The following TMCO2 variants were observed in gnomAD, a reference collection of about 807,000 sequenced individuals.
TMCO2 encodes the protein transmembrane and coiled-coil domain-containing protein 2.
Under a neutral mutation model 18.0 loss-of-function variants are expected in TMCO2, and 15 were observed. The ratio of observed to expected loss-of-function variants is 0.84; its 90% confidence interval spans 0.56 to 1.29. The LOEUF is 1.29. Among genes scored for constraint, TMCO2 ranks in the 50% most tolerant of loss-of-function variants. The pLI, the probability that TMCO2 is intolerant of heterozygous loss-of-function variation, is 0.00. For missense variants in TMCO2, 182 were observed against 200.9 expected (o/e 0.91, Z 0.57); for synonymous variants, 79 against 75.9 (o/e 1.04, Z -0.21).
rs1238320199 is a variant in TMCO2 at position 40,251,361 on chromosome 1, C to A, written c.316C>A (p.Pro106Thr). 3 of 1,613,970 alleles carry A rather than the reference C, an allele frequency of 1.9e-6. No homozygotes were observed. The highest frequency in any genetic ancestry group is 1.1e-5 in the South Asian group (1 of 91,026). Reference protein sequence around the residue: ...SHIFEALLANPEGSGLRIQDN... With the variant: ...SHIFEALLANTEGSGLRIQDN... Reference sequence around the variant, plus strand: ...TATTTTTGAGGCTTTGCTAGCCAACCCAGAAGGAAGTGGTCTCCGAATTCA... The same window carrying A: ...TATTTTTGAGGCTTTGCTAGCCAACACAGAAGGAAGTGGTCTCCGAATTCA... The change falls in exon 2 of 2, where the codon CCA (proline) becomes ACA (threonine). Residue 106 changes from proline to threonine, a missense_variant. Transcript: ENST00000372766.
Position 40,251,642 on chromosome 1 carries a change from G to T in TMCO2, c.*48G>T, listed in dbSNP as rs201190903. On this transcript the variant is annotated 3_prime_UTR_variant, in exon 2 of 2. Coordinates refer to ENST00000372766, the MANE Select transcript of TMCO2 (RefSeq NM_001008740.4). Reference sequence around the variant, plus strand: ...TCCAGGAAAGCACTGTTTCCCTCATGTGTGCAGTGGTGTATCAATAAAGAT... The same window carrying T: ...TCCAGGAAAGCACTGTTTCCCTCATTTGTGCAGTGGTGTATCAATAAAGAT... 1 of 1,547,328 alleles carries T rather than the reference G, an allele frequency of 6.5e-7. No individual in the cohort carries two copies.
rs371352482 is a variant in TMCO2 at position 40,248,034 on chromosome 1, A to C, written c.41A>C (p.Glu14Ala). The C allele has an allele frequency of 1.9e-6, 3 of 1,614,072 alleles. No homozygotes were observed. In the African/African-American group the frequency reaches 4.0e-5, roughly 22 times the overall value. ...TCTTCTAGCTGGGACAACCTCTTAG[A>C]GTCTCTCTCTCTCAGCACAGTATGG... is the stretch of plus-strand genomic sequence containing the variant. ...SSSSSWDNLL[E>A]SLSLSTVWNW... Residue 14 changes from glutamate (E) to alanine (A), a missense_variant, in exon 1 of 2, where the codon GAG (glutamate) becomes GCG (alanine). Transcript: ENST00000372766.
rs1315074295 is a variant in TMCO2, at chr1:40,251,372, T to C, written c.327T>C (p.Ser109=). Residue 109 remains serine (S), a synonymous_variant, in exon 2 of 2, where the codon AGT becomes AGC. Coordinates refer to ENST00000372766, the MANE Select transcript of TMCO2 (RefSeq NM_001008740.4). ...FEALLANPEG[S]GLRIQDNNNL... is the part of the protein sequence containing the mutation. The stretch of plus-strand genomic sequence containing the variant: ...CTTTGCTAGCCAACCCAGAAGGAAG[T>C]GGTCTCCGAATTCAAGACAATAATA... The C allele has an allele frequency of 6.2e-7, 1 of 1,614,094 alleles. No homozygotes were observed. The highest frequency in any genetic ancestry group is 8.5e-7 in the Non-Finnish European group (1 of 1,180,008).
rs1643351611 is a variant in TMCO2, at chr1:40,247,999, A to C, written c.6A>C (p.Ser2=). Residue 2 remains serine (S), a synonymous_variant, in exon 1 of 2, where the codon TCA becomes TCC. Coordinates refer to ENST00000372766, the MANE Select transcript of TMCO2 (RefSeq NM_001008740.4). The part of the protein sequence containing the change: M[S]TSSSSSWDNL... ...TAGAGCTGCTGCTTATTAAAATGTC[A>C]ACATCTTCATCTTCTAGCTGGGACA... is the stretch of plus-strand genomic sequence containing the variant. 6.2e-7 allele frequency: 1 copy of C among 1,613,612 alleles called. No homozygotes were observed. The highest frequency in any genetic ancestry group is 8.5e-7 in the Non-Finnish European group (1 of 1,179,572).
chr1:40,248,288 T>C, intron 1 of TMCO2, 58 bp downstream of exon 1: 1 of 1,404,096 alleles, frequency 7.1e-7, no homozygotes. Flanking sequence ...TGATTAGTTC[T>C]CTCCCATATT....
chr1:40,249,370 C>T (rs1367696994), intron 1 of TMCO2, among the ~76,000 whole-genome samples: 3 of 151,128 alleles, frequency 2.0e-5, no homozygotes, highest in Non-Finnish European at 4.4e-5. Flanking sequence ...AATCTTAGCA[C>T]ATATATTCAA....
In TMCO2 at chr1:40,251,426, G is replaced by T. The variant is rs1353242730; in HGVS notation, c.381G>T (p.Glu127Asp). Residue 127 changes from glutamate (E) to aspartate (D), a missense_variant, in exon 2 of 2, where the codon GAG becomes GAT. Transcript: ENST00000372766. ...TTTTCCTGTCCTTGGGTCTGCAAGA[G>T]AAAATTTTGAAAAAACTTAAGACAG... Reference protein sequence around the residue: ...NNLFLSLGLQEKILKKLKTVE... With the variant: ...NNLFLSLGLQDKILKKLKTVE... 3 of 1,613,632 alleles carry T rather than the reference G, an allele frequency of 1.9e-6. No homozygotes were observed. Among genetic ancestry groups the T allele is most frequent in the East Asian group, 2.2e-5 (1 of 44,882 alleles).
At chr1:40,250,818 A>T (rs567881969) in intron 1 of TMCO2, among the ~76,000 whole-genome samples, 1 of 152,296 alleles carries the variant, frequency 6.6e-6, no homozygotes, top group Non-Finnish European at 1.5e-5. Context: ...TTGCAGTGAA[A>T]ATCAAAAGAT....
Position 40,251,456 on chromosome 1 carries a change from A to C in TMCO2, c.411A>C (p.Glu137Asp), listed in dbSNP as rs1255115135. ...EKILKKLKTV[E>D]NKMKNLEGII... is the part of the protein sequence containing the mutation. Reference sequence around the variant, plus strand: ...TTTTGAAAAAACTTAAGACAGTGGAAAACAAAATGAAGAACCTAGAAGGGA... The same window carrying C: ...TTTTGAAAAAACTTAAGACAGTGGACAACAAAATGAAGAACCTAGAAGGGA... Residue 137 changes from glutamate to aspartate, a missense_variant, in exon 2 of 2, where the codon GAA becomes GAC. Transcript: ENST00000372766. 1 of 1,613,708 alleles carries C rather than the reference A, an allele frequency of 6.2e-7. No homozygotes were observed. Among genetic ancestry groups the C allele is most frequent in the South Asian group, 1.1e-5 (1 of 90,908 alleles).
intron 1 of TMCO2, among the ~76,000 whole-genome samples, chr1:40,250,671 T>A (rs1285075309): frequency 3.3e-5 from 5 of 152,206 alleles, no homozygotes; most frequent in African/African-American, 1.2e-4. Flanking sequence ...TATATAGTTA[T>A]CCAGTTGTGT....
rs768155848 is a variant in TMCO2 at position 40,251,589 on chromosome 1, A to G, written c.544A>G (p.Ile182Val). ...GTCCACATCAGGGTTTACTTCCCCC[A>G]TTTGAAATGTGATGGACTCCAATCT... ...PLSTSGFTSP[I>V] The change falls in exon 2 of 2, where the codon ATT (isoleucine) becomes GTT (valine). Residue 182 changes from isoleucine to valine, a missense_variant. Coordinates refer to ENST00000372766, the MANE Select transcript of TMCO2 (RefSeq NM_001008740.4). 4 of 1,601,598 alleles carry G rather than the reference A, an allele frequency of 2.5e-6. No individual in the cohort carries two copies. Among genetic ancestry groups the G allele is most frequent in the South Asian group, 2.3e-5 (2 of 88,120 alleles).
chr1:40,250,445 C>T (rs1643373067), intron 1 of TMCO2, among the ~76,000 whole-genome samples: 1 of 152,080 alleles, frequency 6.6e-6, no homozygotes, highest in Admixed American at 6.6e-5. Flanking sequence ...GATCCTCCCA[C>T]CTTACCCTCC....
Position 40,251,357 on chromosome 1 carries a change from C to T in TMCO2, c.312C>T (p.Ala104=), listed in dbSNP as rs761505223. The T allele has an allele frequency of 7.7e-5, 124 of 1,613,874 alleles. No homozygotes were observed. Among genetic ancestry groups the T allele is most frequent in the Non-Finnish European group, 1.0e-4 (123 of 1,179,990 alleles). The change falls in exon 2 of 2, where the codon GCC becomes GCT. Residue 104 remains alanine, a synonymous_variant. Transcript: ENST00000372766. ...CACATATTTTTGAGGCTTTGCTAGC[C>T]AACCCAGAAGGAAGTGGTCTCCGAA... is the stretch of plus-strand genomic sequence containing the variant. ...KGSHIFEALL[A]NPEGSGLRIQ...
At chr1:40,249,653 T>G (rs1391239380) in intron 1 of TMCO2, among the ~76,000 whole-genome samples, 1 of 152,164 alleles carries the variant, frequency 6.6e-6, no homozygotes, top group African/African-American at 2.4e-5. Flanking sequence ...GAATCTGTCC[T>G]ACTATACATA....
intron 1 of TMCO2, among the ~76,000 whole-genome samples, chr1:40,250,509 A>G (rs1643373377): frequency 6.6e-6 from 1 of 151,980 alleles, no homozygotes; most frequent in African/African-American, 2.4e-5. Flanking sequence ...CTCCTAGTAT[A>G]TTTTAAAAAC....
Position 40,251,628 on chromosome 1 carries a change from AC to A in TMCO2, c.*35del. The A allele has an allele frequency of 6.3e-7, 1 of 1,581,626 alleles. No homozygotes were observed. Among genetic ancestry groups the A allele is most frequent in the Non-Finnish European group, 8.6e-7 (1 of 1,168,512 alleles). On this transcript the variant is annotated 3_prime_UTR_variant, in exon 2 of 2. Transcript: ENST00000372766. ...GGACTCCAATCTTTTCCAGGAAAGCACTGTTTCCCTCATGTGTGCAGTGGTG... is the reference window on the plus strand; with the variant it reads ...GGACTCCAATCTTTTCCAGGAAAGCATGTTTCCCTCATGTGTGCAGTGGTG...
At chr1:40,250,617 T>C (rs1643374024) in intron 1 of TMCO2, among the ~76,000 whole-genome samples, 1 of 152,170 alleles carries the variant, frequency 6.6e-6, no homozygotes, top group African/African-American at 2.4e-5. Context: ...CTCTGCCACT[T>C]CCAATATATA....
intron 1 of TMCO2, among the ~76,000 whole-genome samples, chr1:40,249,254 A>AATGTGTGTGTGT (rs1643360498): frequency 2.2e-5 from 2 of 89,430 alleles, no homozygotes; most frequent in South Asian, 4.3e-4. Flanking sequence ...CTTGAACAGG[A>AATGTGTGTGTGT]ATGTGTGTGT....
At position 40,251,494 on chromosome 1, in the gene TMCO2, A is replaced by T; in HGVS notation, c.449A>T (p.Gln150Leu). 6.2e-7 allele frequency: 1 copy of T among 1,613,894 alleles called. No individual in the cohort carries two copies. Among genetic ancestry groups the T allele is most frequent in the Non-Finnish European group, 8.5e-7 (1 of 1,179,970 alleles). ...MKNLEGIIVAQKPATKRDCSS... is the reference protein window; with the variant it reads ...MKNLEGIIVALKPATKRDCSS... Reference sequence around the variant, plus strand: ...AACCTAGAAGGGATAATCGTTGCTCAAAAACCTGCCACGAAGAGGGATTGC... The same window carrying T: ...AACCTAGAAGGGATAATCGTTGCTCTAAAACCTGCCACGAAGAGGGATTGC... The change falls in exon 2 of 2, where the codon CAA becomes CTA. Residue 150 changes from glutamine (Q) to leucine (L), a missense_variant. By Grantham distance (113) the Gln-to-Leu change is moderately radical (BLOSUM62 -2). Transcript: ENST00000372766.
Sources: gnomAD v4.1 joint callset for allele counts (sites outside exome capture counted in the v4.1 genomes callset) on GRCh38, gnomAD v4.1.1 for gene constraint, MANE v1.5 for transcripts, NCBI Gene and HGNC (gene_info 2026-07-23, HGNC 2026-07-21) for gene names.